Variants in GRID1 observed in about 807,000 individuals in gnomAD.
GRID1 encodes glutamate ionotropic receptor delta type subunit 1, also known as glutamate receptor ionotropic, delta-1.
Under a neutral mutation model 98.0 loss-of-function variants are expected in GRID1, and 28 were observed. That is an observed-to-expected ratio of 0.29 (90% CI 0.21 to 0.39). The LOEUF (loss-of-function observed/expected upper bound fraction) is 0.39, where lower values mean the gene tolerates loss of function less well. Ranked by LOEUF, GRID1 falls within the 10% of genes least tolerant of loss-of-function variation. The pLI is 1.00. For synonymous variants in GRID1, 553 were observed against 538.5 expected, an observed-to-expected ratio of 1.03 and a Z score of -0.37; for missense variants, 1,111 against 1,340.5, an observed-to-expected ratio of 0.83 and a Z score of 2.67.
intron 4 of GRID1, among the ~76,000 whole-genome samples, chr10:85,944,972 C>T (rs1361872932): frequency 3.3e-5 from 5 of 152,030 alleles, no homozygotes; most frequent in African/African-American, 1.2e-4. Flanking sequence ...CAGTGGCCCT[C>T]CTAAAGACAT....
chr10:85,959,256 T>C (rs1399643326), intron 4 of GRID1, among the ~76,000 whole-genome samples: 3 of 152,216 alleles, frequency 2.0e-5, no homozygotes, highest in Admixed American at 1.3e-4. Context: ...CCCTGACTGA[T>C]GCAACACTTC....
chr10:86,157,769 AAACGCAAGTTGACAGCC>A (rs1845266520), intron 3 of GRID1, among the ~76,000 whole-genome samples: 1 of 152,220 alleles, frequency 6.6e-6, no homozygotes, highest in Non-Finnish European at 1.5e-5. Flanking sequence ...CCTAAATTAT[AAACGCAAGTTGACAGCC>A]AACGCAAGTT....
intron 2 of GRID1, among the ~76,000 whole-genome samples, chr10:86,219,016 A>G (rs913227999): frequency 6.6e-6 from 1 of 152,200 alleles, no homozygotes; most frequent in African/African-American, 2.4e-5. Flanking sequence ...ACCATAGGCA[A>G]TGGCAGCCAG....
intron 2 of GRID1, among the ~76,000 whole-genome samples, chr10:86,232,197 G>GATGCATTTTTTTGTGGTTCCCT (rs1846466049): frequency 6.6e-6 from 1 of 152,204 alleles, no homozygotes; most frequent in Admixed American, 6.5e-5. Context: ...TGGGAGGCCA[G>GATGCATTTTTTTGTGGTTCCCT]GGAGGGCCCC....
chr10:86,180,197 G>A (rs1033837385), intron 3 of GRID1, among the ~76,000 whole-genome samples: 1 of 152,184 alleles, frequency 6.6e-6, no homozygotes, highest in Non-Finnish European at 1.5e-5. Context: ...TGGTGCACCA[G>A]AAGGACACTA....
intron 4 of GRID1, among the ~76,000 whole-genome samples, chr10:86,036,575 A>C (rs967326177): frequency 6.6e-6 from 1 of 152,080 alleles, no homozygotes; most frequent in Non-Finnish European, 1.5e-5. Flanking sequence ...GGGCCAGGAT[A>C]CCCTCCTGTG....
At chr10:85,752,925 T>A (rs1481244071) in intron 8 of GRID1, among the ~76,000 whole-genome samples, 1 of 152,214 alleles carries the variant, frequency 6.6e-6, no homozygotes, top group East Asian at 1.9e-4. Flanking sequence ...TTATAATACA[T>A]TACAGCTTAT....
intron 4 of GRID1, among the ~76,000 whole-genome samples, chr10:85,968,370 G>C (rs1006949381): frequency 6.8e-6 from 1 of 147,082 alleles, no homozygotes; most frequent in Non-Finnish European, 1.5e-5. Flanking sequence ...AGAATGGCAT[G>C]AACCCGGGAG....
At chr10:85,722,731 A>C (rs1590204677) in intron 12 of GRID1, among the ~76,000 whole-genome samples, 1 of 152,326 alleles carries the variant, frequency 6.6e-6, no homozygotes, top group South Asian at 2.1e-4. Flanking sequence ...TAAATGTCTG[A>C]GAAAATGTAA....
At chr10:86,344,642 T>C (rs1202151098) in intron 2 of GRID1, among the ~76,000 whole-genome samples, 4 of 152,208 alleles carry the variant, frequency 2.6e-5, no homozygotes, top group African/African-American at 9.6e-5. Flanking sequence ...GGATATAATT[T>C]ACACACACCA....
rs1346422004 is a variant in GRID1, at chr10:85,854,741, C to T, written c.1114-126G>A. The T allele has an allele frequency of 1.6e-5, 14 of 867,796 alleles. No homozygotes were observed. The East Asian group carries it at 2.3e-4, about 14-fold the overall frequency. 53.8% of individuals were successfully genotyped at this position (867,796 alleles called of 1,614,324 possible). A position where few individuals can be genotyped will look rare whatever the true frequency, so the allele number is the denominator to read the frequency against. ...AATCAGTTTTGAGACCATGGACAGGCTGTAATGAGGACAAGATGGGCTAGT... is the reference window on the plus strand; with the variant it reads ...AATCAGTTTTGAGACCATGGACAGGTTGTAATGAGGACAAGATGGGCTAGT... On this transcript the variant is annotated intron_variant, in intron 7 of 15. Coordinates refer to ENST00000327946, the MANE Select transcript of GRID1 (RefSeq NM_017551.3).
intron 4 of GRID1, among the ~76,000 whole-genome samples, chr10:86,028,023 G>A (rs961817083): frequency 1.7e-4 from 26 of 152,142 alleles, no homozygotes; most frequent in African/African-American, 5.6e-4. Flanking sequence ...TTAATACCCC[G>A]TGATGTATGG....
At chr10:86,364,176 C>A (rs1370696634) in intron 1 of GRID1, 80 bp from the exon 2 acceptor site, 3 of 1,217,868 alleles carry the variant, frequency 2.5e-6, no homozygotes, top group Non-Finnish European at 3.5e-6. Flanking sequence ...TCAAGGCACT[C>A]GCAGACCGAT....
chr10:85,915,690 ACAT>A (rs1477570641), intron 5 of GRID1, among the ~76,000 whole-genome samples: 3 of 151,730 alleles, frequency 2.0e-5, no homozygotes, highest in Non-Finnish European at 4.4e-5. Context: ...ATACACACTC[ACAT>A]CATAAACACA....
intron 11 of GRID1, among the ~76,000 whole-genome samples, chr10:85,723,686 C>T (rs1217469695): frequency 6.6e-6 from 1 of 152,172 alleles, no homozygotes; most frequent in Non-Finnish European, 1.5e-5. Context: ...GAAATCAGGG[C>T]ATGAGACTTT....
intron 3 of GRID1, among the ~76,000 whole-genome samples, chr10:86,203,697 G>A (rs1410180986): frequency 6.6e-6 from 1 of 151,642 alleles, no homozygotes. Flanking sequence ...CTAGCACCCT[G>A]GACAGCGCCA....
intron 15 of GRID1, among the ~76,000 whole-genome samples, chr10:85,609,269 G>A (rs1842706891): frequency 6.6e-6 from 1 of 152,178 alleles, no homozygotes; most frequent in African/African-American, 2.4e-5. Flanking sequence ...CTCAGCACAG[G>A]AAAGGAGCCC....
At chr10:85,918,893 TG>T (rs1478952186) in intron 4 of GRID1, among the ~76,000 whole-genome samples, 1 of 152,236 alleles carries the variant, frequency 6.6e-6, no homozygotes, top group African/African-American at 2.4e-5. Flanking sequence ...TATCATGCAC[TG>T]ACATTCTTCA....
intron 2 of GRID1, among the ~76,000 whole-genome samples, chr10:86,256,241 G>A (rs566582640): frequency 6.6e-5 from 10 of 152,296 alleles, no homozygotes; most frequent in East Asian, 1.9e-4. Flanking sequence ...CTCTGGCCAC[G>A]GCAGGGGCTC....
Sources: gnomAD v4.1 joint callset for allele counts (sites outside exome capture counted in the v4.1 genomes callset) on GRCh38, gnomAD v4.1.1 for gene constraint, MANE v1.5 for transcripts, NCBI Gene and HGNC (gene_info 2026-07-23, HGNC 2026-07-21) for gene names.